Variants in WFDC8 observed in about 807,000 individuals in gnomAD.
The protein encoded by WFDC8 is WAP four-disulfide core domain protein 8.
In WFDC8, 24 loss-of-function variants were observed where a neutral mutation model predicts 27.0. The ratio of observed to expected loss-of-function variants is 0.89; its 90% CI spans 0.64 to 1.25. The LOEUF (loss-of-function observed/expected upper bound fraction) is 1.25, where lower values mean the gene tolerates loss of function less well. WFDC8 is among the 50% of genes most tolerant of loss of function. The pLI is 0.00. For missense variants in WFDC8, 287 were observed against 295.9 expected, an observed-to-expected ratio of 0.97 and a Z score of 0.22; for synonymous variants, 106 against 99.7, an observed-to-expected ratio of 1.06 and a Z score of -0.38.
At chr20:45,559,952 A>G (rs921537322) in intron 2 of WFDC8, 2 of 152,178 alleles carry the variant, frequency 1.3e-5, no homozygotes, top group African/African-American at 4.8e-5. Context: ...TGCACCCTCA[A>G]GATTCCCATC....
At chr20:45,554,135 A>G (rs1354576927) in intron 4 of WFDC8, among the ~76,000 whole-genome samples, 2 of 150,796 alleles carry the variant, frequency 1.3e-5, no homozygotes, top group Non-Finnish European at 3.0e-5. Context: ...CTGGGACCAT[A>G]GGCACGTGAC....
intron 1 of WFDC8, among the ~76,000 whole-genome samples, chr20:45,567,454 T>G (rs1162650613): frequency 6.6e-6 from 1 of 152,180 alleles, no homozygotes; most frequent in Non-Finnish European, 1.5e-5. Context: ...GAATTCAAAG[T>G]GACATGCAGA....
intron 2 of WFDC8, 97 bp downstream of exon 2, chr20:45,562,013 A>T: frequency 9.0e-7 from 1 of 1,107,862 alleles, no homozygotes; most frequent in Non-Finnish European, 1.3e-6. Flanking sequence ...TCCACAGTAG[A>T]GGGGGCCTCA....
At chr20:45,568,392 G>A (rs1245824174) in intron 1 of WFDC8, 5 of 259,400 alleles carry the variant, frequency 1.9e-5, no homozygotes, top group Non-Finnish European at 3.2e-5. Flanking sequence ...CCTCATGGAG[G>A]TTATCTCCCT....
downstream of WFDC8, chr20:45,551,383 T>A (rs1434160000): frequency 1.3e-5 from 2 of 152,158 alleles, no homozygotes; most frequent in Admixed American, 1.3e-4. Context: ...ATCCCAGCAC[T>A]TTCGGAGGCT....
intron 1 of WFDC8, among the ~76,000 whole-genome samples, chr20:45,565,312 A>G (rs1340167438): frequency 6.6e-6 from 1 of 152,136 alleles, no homozygotes; most frequent in African/African-American, 2.4e-5. Flanking sequence ...ATTTGACTAG[A>G]TTAGGCTTGT....
intron 1 of WFDC8, among the ~76,000 whole-genome samples, chr20:45,566,553 C>T (rs1980684691): frequency 1.3e-5 from 2 of 152,192 alleles, no homozygotes; most frequent in African/African-American, 4.8e-5. Context: ...ATCCCAGCTA[C>T]TCGGGAGGCT....
At position 45,553,195 on chromosome 20, in the gene WFDC8, G is replaced by A. The variant is rs748588041; in HGVS notation, c.527C>T (p.Pro176Leu). Residue 176 changes from proline (P) to leucine (L), a missense_variant, in exon 5 of 6, where the codon CCC becomes CTC. Coordinates refer to ENST00000289953, the MANE Select transcript of WFDC8 (RefSeq NM_130896.3). Reference protein sequence around the residue: ...PPSCHSDIDCPQTDKCCESRC... With the variant: ...PPSCHSDIDCLQTDKCCESRC... The stretch of plus-strand genomic sequence containing the variant: ...GGATTCACAACATTTGTCTGTCTGG[G>A]GACAATCGATGTCACTGTGACATGA... 14 of 1,613,820 alleles carry A rather than the reference G, an allele frequency of 8.7e-6. No homozygotes were observed. Among genetic ancestry groups the A allele is most frequent in the Middle Eastern group, 3.3e-4 (2 of 6,048 alleles).
At chr20:45,561,774 G>GTGTA (rs1980479927) in intron 2 of WFDC8, among the ~76,000 whole-genome samples, 1 of 150,554 alleles carries the variant, frequency 6.6e-6, no homozygotes, top group South Asian at 2.1e-4. Flanking sequence ...GTGTGTGTGT[G>GTGTA]TACAGTGGGA....
At chr20:45,577,101 G>A (rs1449498791) in intron 1 of WFDC8, among the ~76,000 whole-genome samples, 1 of 151,396 alleles carries the variant, frequency 6.6e-6, no homozygotes, top group Non-Finnish European at 1.5e-5. Context: ...ATTCCCAGCT[G>A]AAGTCAAACA....
intron 1 of WFDC8, among the ~76,000 whole-genome samples, chr20:45,563,488 C>T (rs992427471): frequency 6.6e-6 from 1 of 152,194 alleles, no homozygotes. Flanking sequence ...TTCACTGAGC[C>T]TCAATTTGTC....
At chr20:45,568,842 G>C in intron 1 of WFDC8, 1 of 306,794 alleles carries the variant, frequency 3.3e-6, no homozygotes, top group African/African-American at 2.1e-5. Context: ...GCTGAAAATA[G>C]TCCATGAAAG....
Position 45,555,846 on chromosome 20 carries a change from C to A in WFDC8, c.300G>T (p.Arg100Ser). 1 of 1,613,910 alleles carries A rather than the reference C, an allele frequency of 6.2e-7. No homozygotes were observed. The highest frequency in any genetic ancestry group is 1.7e-5 in the Admixed American group (1 of 59,980). Residue 100 changes from arginine (R) to serine (S), a missense_variant, in exon 4 of 6, where the codon AGG becomes AGT. Physicochemically the swap from Arg to Ser is moderately radical, Grantham distance 110 (BLOSUM62 -1). Transcript: ENST00000289953. ...PFQEPCMLPVRHGNCNHEAQR... is the reference protein window; with the variant it reads ...PFQEPCMLPVSHGNCNHEAQR... Reference sequence around the variant, plus strand: ...GTGCCTCATGATTACAGTTTCCATGCCTCACAGGTAGCATGCAGGGTTCTG... The same window carrying A: ...GTGCCTCATGATTACAGTTTCCATGACTCACAGGTAGCATGCAGGGTTCTG...
intron 3 of WFDC8, among the ~76,000 whole-genome samples, chr20:45,558,134 G>A (rs1417175344): frequency 6.6e-6 from 1 of 151,912 alleles, no homozygotes; most frequent in African/African-American, 2.4e-5. Context: ...AGATTCCCTG[G>A]GATAGCCAGT....
chr20:45,570,321 C>T (rs1980825610), intron 1 of WFDC8, among the ~76,000 whole-genome samples: 1 of 152,088 alleles, frequency 6.6e-6, no homozygotes, highest in Non-Finnish European at 1.5e-5. Context: ...TTTAAATTTT[C>T]TAACTGTTAA....
intron 4 of WFDC8, among the ~76,000 whole-genome samples, chr20:45,553,881 T>C (rs1301998043): frequency 6.6e-6 from 1 of 152,176 alleles, no homozygotes; most frequent in Non-Finnish European, 1.5e-5. Flanking sequence ...TGTTAATTGA[T>C]AAAGAGAGGC....
intron 4 of WFDC8, among the ~76,000 whole-genome samples, chr20:45,554,936 G>T (rs920832444): frequency 6.6e-6 from 1 of 152,158 alleles, no homozygotes; most frequent in Admixed American, 6.5e-5. Flanking sequence ...AAATTGCAAC[G>T]CTGCCTCATA....
chr20:45,564,004 A>C (rs1170110685), intron 1 of WFDC8, among the ~76,000 whole-genome samples: 1 of 152,262 alleles, frequency 6.6e-6, no homozygotes, highest in Non-Finnish European at 1.5e-5. Flanking sequence ...CTAAAAAAGT[A>C]TTTGATGTTT....
intron 3 of WFDC8, among the ~76,000 whole-genome samples, chr20:45,556,456 C>T (rs1431393580): frequency 6.6e-6 from 1 of 152,182 alleles, no homozygotes; most frequent in African/African-American, 2.4e-5. Flanking sequence ...ACATCAACAA[C>T]ACATTTAGCC....
Sources: allele counts gnomAD v4.1 joint callset (sites outside exome capture counted in the v4.1 genomes callset), GRCh38; gene constraint gnomAD v4.1.1; transcripts MANE v1.5; gene names NCBI Gene and HGNC (gene_info 2026-07-23, HGNC 2026-07-21).